The following LAMA2 variants were observed in gnomAD, a reference collection of about 807,000 sequenced individuals.
The protein encoded by LAMA2 is laminin subunit alpha-2.
Under a neutral mutation model 364.8 loss-of-function variants are expected in LAMA2, and 269 were observed. That is an observed-to-expected ratio of 0.74 (90% confidence interval 0.67 to 0.82). The LOEUF (loss-of-function observed/expected upper bound fraction) is 0.82. Ranked by LOEUF, LAMA2 falls within the 40% of genes least tolerant of loss-of-function variation. The probability of loss-of-function intolerance (pLI) is 0.00; values close to 1 mark genes in which losing one functional copy is unlikely to be tolerated. For synonymous variants in LAMA2, 1,379 were observed against 1,370.6 expected, an observed-to-expected ratio of 1.01 and a Z score of -0.14; for missense variants, 3,807 against 3,873.2, an observed-to-expected ratio of 0.98 and a Z score of 0.45.
Position 129,464,394 on chromosome 6 carries a change from T to G in LAMA2, c.7097T>G (p.Phe2366Cys). ...TACCCCAACATCTCCACTGTCATGTTCAAGTTCAGAACATTTTCTTCGAGT... is the reference window on the plus strand; with the variant it reads ...TACCCCAACATCTCCACTGTCATGTGCAAGTTCAGAACATTTTCTTCGAGT... The part of the protein sequence containing the change: ...RWYPNISTVM[F>C]KFRTFSSSAL... The change falls in exon 50 of 65, where the codon TTC becomes TGC. Residue 2366 changes from phenylalanine to cysteine, a missense_variant. By Grantham distance (205) the Phe-to-Cys change is radical (BLOSUM62 -2). Around this residue, in one of 3 missense-constraint regions of LAMA2, gnomAD observed 3,333 missense variants for 3,345.7 expected, o/e 1.00. Coordinates refer to ENST00000421865, the MANE Select transcript of LAMA2 (RefSeq NM_000426.4). 6.2e-7 allele frequency: 1 copy of G among 1,612,468 alleles called. No individual in the cohort carries two copies. The highest frequency in any genetic ancestry group is 8.5e-7 in the Non-Finnish European group (1 of 1,178,808).
chr6:128,929,455 A>C, intron 1 of LAMA2: 1 of 838,582 alleles, frequency 1.2e-6, no homozygotes, highest in East Asian at 2.4e-5. Flanking sequence ...GGTGAGTCTC[A>C]GGAAAGATAC....
intron 20 of LAMA2, among the ~76,000 whole-genome samples, chr6:129,296,858 T>A (rs1272144673): frequency 6.6e-6 from 1 of 152,176 alleles, no homozygotes; most frequent in African/African-American, 2.4e-5. Context: ...TCGGAGTGAT[T>A]TTTTAATCCA....
intron 4 of LAMA2, among the ~76,000 whole-genome samples, chr6:129,114,865 G>A (rs1776376803): frequency 6.6e-6 from 1 of 152,000 alleles, no homozygotes; most frequent in South Asian, 2.1e-4. Context: ...GAACTGATTT[G>A]TCTAGTTTGA....
chr6:128,938,437 T>C (rs1232875524), intron 1 of LAMA2, among the ~76,000 whole-genome samples: 1 of 152,184 alleles, frequency 6.6e-6, no homozygotes, highest in Non-Finnish European at 1.5e-5. Flanking sequence ...AAAGTTTTTA[T>C]TGTCCGATGT....
At chr6:129,312,411 A>G (rs1774285680) in intron 22 of LAMA2, among the ~76,000 whole-genome samples, 1 of 152,156 alleles carries the variant, frequency 6.6e-6, no homozygotes, top group Non-Finnish European at 1.5e-5. Context: ...CCTATTATAT[A>G]ATGCTTATTC....
chr6:129,379,887 T>A lies in LAMA2; in HGVS notation c.4960-3235T>A, dbSNP rs552861805. 7.9e-5 allele frequency among the ~76,000 whole-genome samples: 12 copies of A among 152,324 alleles called. 1 individual carries two copies. The South Asian group carries it at 2.5e-3, about 32-fold the overall frequency. Reference sequence around the variant, plus strand: ...TATGGTCAGTTTGAGTGCTATTAGATAGGCTTTAGAACTTCCAAGGGATCA... The same window carrying A: ...TATGGTCAGTTTGAGTGCTATTAGAAAGGCTTTAGAACTTCCAAGGGATCA... On this transcript the variant is annotated intron_variant, in intron 34 of 64. Coordinates refer to ENST00000421865, the MANE Select transcript of LAMA2 (RefSeq NM_000426.4).
chr6:129,270,027 T>C (rs2114354522), intron 16 of LAMA2, among the ~76,000 whole-genome samples: 1 of 152,248 alleles, frequency 6.6e-6, no homozygotes, highest in South Asian at 2.1e-4. Flanking sequence ...TTCAATTTTC[T>C]CCATGTTTAA....
At chr6:128,900,388 A>T (rs1777015091) in intron 1 of LAMA2, among the ~76,000 whole-genome samples, 1 of 152,210 alleles carries the variant, frequency 6.6e-6, no homozygotes, top group Admixed American at 6.5e-5. Flanking sequence ...TCCTTACTGC[A>T]TAGCACAGTG....
chr6:129,386,734 G>A lies in LAMA2; in HGVS notation c.5071+3501G>A, dbSNP rs1027664215. 1.9e-4 allele frequency among the ~76,000 whole-genome samples: 29 copies of A among 152,170 alleles called. 1 individual carries two copies. The highest frequency in any genetic ancestry group is 6.5e-4 in the African/African-American group (27 of 41,516). On this transcript the variant is annotated intron_variant, in intron 35 of 64. Coordinates refer to ENST00000421865, the MANE Select transcript of LAMA2 (RefSeq NM_000426.4). Reference sequence around the variant, plus strand: ...TGTAATTTATCTGTGTCCCGATGAGGCCATATTTTTCTCCAAAACCCATAT... The same window carrying A: ...TGTAATTTATCTGTGTCCCGATGAGACCATATTTTTCTCCAAAACCCATAT...
At chr6:129,435,987 G>A (rs773342291) in intron 41 of LAMA2, among the ~76,000 whole-genome samples, 9 of 152,260 alleles carry the variant, frequency 5.9e-5, no homozygotes, top group East Asian at 1.9e-4. Context: ...TCTTTGGGGC[G>A]TATTCTCTCC....
At position 129,260,741 on chromosome 6, in the gene LAMA2, C is replaced by T. The variant is rs1583362217; in HGVS notation, c.2127C>T (p.Val709=). ...RLSSVNLESA[V]SYPTDGSIAA... Reference sequence around the variant, plus strand: ...GCTCTGTTAACCTTGAATCCGCTGTCTCCTATCCTACTGATGGAAGCATTG... The same window carrying T: ...GCTCTGTTAACCTTGAATCCGCTGTTTCCTATCCTACTGATGGAAGCATTG... Residue 709 remains valine (V), a synonymous_variant, in exon 15 of 65, where the codon GTC becomes GTT. Transcript: ENST00000421865. 1 of 1,612,446 alleles carries T rather than the reference C, an allele frequency of 6.2e-7. No individual in the cohort carries two copies. The highest frequency in any genetic ancestry group is 1.1e-5 in the South Asian group (1 of 91,052).
At chr6:129,154,778 T>C in intron 8 of LAMA2, 95 bp downstream of exon 8, 1 of 1,011,166 alleles carries the variant, frequency 9.9e-7, no homozygotes, top group Non-Finnish European at 1.5e-6. Flanking sequence ...AAAGCTTCTG[T>C]AAACAGTTGA....
intron 4 of LAMA2, among the ~76,000 whole-genome samples, chr6:129,139,172 A>G (rs1777971743): frequency 6.6e-6 from 1 of 152,108 alleles, no homozygotes; most frequent in African/African-American, 2.4e-5. Flanking sequence ...CCTATTTACC[A>G]TCCAGAGCCA....
At chr6:129,061,523 T>C (rs1788912056) in intron 3 of LAMA2, among the ~76,000 whole-genome samples, 1 of 152,194 alleles carries the variant, frequency 6.6e-6, no homozygotes, top group African/African-American at 2.4e-5. Flanking sequence ...CTAACTTGCC[T>C]GTTTTTATCA....
chr6:128,895,746 C>T (rs937332227), intron 1 of LAMA2, among the ~76,000 whole-genome samples: 1 of 152,154 alleles, frequency 6.6e-6, no homozygotes, highest in Non-Finnish European at 1.5e-5. Flanking sequence ...CCTGAACTCA[C>T]ATCAGGAGGG....
At chr6:129,075,329 C>T (rs1423422835) in intron 3 of LAMA2, among the ~76,000 whole-genome samples, 4 of 152,066 alleles carry the variant, frequency 2.6e-5, no homozygotes, top group Non-Finnish European at 4.4e-5. Flanking sequence ...GATGCTGTCA[C>T]GGAGGTCTCC....
At chr6:129,077,497 A>G (rs2114831350) in intron 3 of LAMA2, among the ~76,000 whole-genome samples, 1 of 152,348 alleles carries the variant, frequency 6.6e-6, no homozygotes, top group South Asian at 2.1e-4. Flanking sequence ...TAACATTCTG[A>G]TACAATTAAC....
chr6:129,328,174 A>T, intron 28 of LAMA2, 104 bp from the exon 29 acceptor site: 1 of 953,616 alleles, frequency 1.0e-6, no homozygotes, highest in East Asian at 2.4e-5. Flanking sequence ...CCCCTGCCGC[A>T]GGTGGGGGAA....
At chr6:128,965,888 A>G (rs1781805564) in intron 1 of LAMA2, among the ~76,000 whole-genome samples, 1 of 151,674 alleles carries the variant, frequency 6.6e-6, no homozygotes, top group African/African-American at 2.4e-5. Flanking sequence ...AATAAATTAT[A>G]ACAATAAAAG....
Sources: gnomAD v4.1 joint callset for allele counts (sites outside exome capture counted in the v4.1 genomes callset) on GRCh38, gnomAD v4.1.1 for gene constraint, gnomAD v4.1.1 regional missense constraint, MANE v1.5 for transcripts, NCBI Gene and HGNC (gene_info 2026-07-23, HGNC 2026-07-21) for gene names.